The following OR8B3 variants were observed in gnomAD, a reference collection of about 807,000 sequenced individuals.
OR8B3 encodes olfactory receptor family 8 subfamily B member 3, also known as olfactory receptor 8B3.
For missense variants in OR8B3, 278 were observed against 377.6 expected (o/e 0.74, Z 2.19); for synonymous variants, 102 against 135.4 (o/e 0.75, Z 1.71).
upstream of OR8B3, among the ~76,000 whole-genome samples, chr11:124,400,186 T>C (rs1860969233): frequency 6.6e-6 from 1 of 152,174 alleles, no homozygotes; most frequent in African/African-American, 2.4e-5. Flanking sequence ...AAAAGAGATG[T>C]ATAAACTTTT....
chr11:124,409,148 G>T, the OR8B3 span, among the ~76,000 whole-genome samples: 1 of 152,130 alleles, frequency 6.6e-6, no homozygotes, highest in Non-Finnish European at 1.5e-5. Flanking sequence ...AACTGATTTG[G>T]CTCAGGTTTG....
upstream of OR8B3, among the ~76,000 whole-genome samples, chr11:124,401,730 G>A (rs749557207): frequency 1.3e-5 from 2 of 152,184 alleles, no homozygotes; most frequent in Non-Finnish European, 2.9e-5. Context: ...AATATATGGA[G>A]AGAAGTATCT....
upstream of OR8B3, among the ~76,000 whole-genome samples, chr11:124,403,964 C>T (rs1270508687): frequency 3.9e-5 from 6 of 152,170 alleles, no homozygotes; most frequent in African/African-American, 1.4e-4. Context: ...AATACAAAAA[C>T]CAGTCAGGCG....
chr11:124,407,433 C>A, the OR8B3 span, among the ~76,000 whole-genome samples: 1 of 152,046 alleles, frequency 6.6e-6, no homozygotes, highest in Admixed American at 6.5e-5. Flanking sequence ...CTCATGTCCC[C>A]TAATATTAAA....
chr11:124,401,197 A>G (rs1299989016), upstream of OR8B3, among the ~76,000 whole-genome samples: 6 of 148,892 alleles, frequency 4.0e-5, no homozygotes, highest in African/African-American at 1.5e-4. Context: ...TTGCTGTATT[A>G]TCACATAGGG....
intron 1 of OR8B3, among the ~76,000 whole-genome samples, chr11:124,398,123 T>A (rs1274052845): frequency 6.6e-6 from 1 of 152,070 alleles, no homozygotes; most frequent in Non-Finnish European, 1.5e-5. Context: ...TAGACAGGGG[T>A]CTCCTATAGG....
At chr11:124,398,542 A>G (rs1229496394) in intron 1 of OR8B3, 148 bp downstream of exon 1, 1 of 152,240 alleles carries the variant, frequency 6.6e-6, no homozygotes, top group Non-Finnish European at 1.5e-5. Flanking sequence ...CAGGCTAAGA[A>G]TGAAGCCAAC....
chr11:124,403,992 A>G (rs1474661626), upstream of OR8B3, among the ~76,000 whole-genome samples: 2 of 152,172 alleles, frequency 1.3e-5, no homozygotes, highest in South Asian at 2.1e-4. Context: ...GCGCGCCTGC[A>G]ATCCCAGGCA....
In OR8B3 at chr11:124,396,932, G is replaced by C. The variant is rs760945553; in HGVS notation, c.420C>G (p.Val140=). ...LLYKVTMSHQ[V]CSMLTFAAYI... ...AAGCAGCAAAAGTGAGCATAGAACAGACCTGATGGGACATGGTGACCTTAT... is the reference window on the plus strand; with the variant it reads ...AAGCAGCAAAAGTGAGCATAGAACACACCTGATGGGACATGGTGACCTTAT... Residue 140 remains valine (V), a synonymous_variant, in exon 2 of 2, where the codon GTC becomes GTG. Coordinates refer to ENST00000641139, the MANE Select transcript of OR8B3 (RefSeq NM_001005467.2). The C allele has an allele frequency of 1.2e-6, 2 of 1,607,464 alleles. No individual in the cohort carries two copies. Among genetic ancestry groups the C allele is most frequent in the South Asian group, 2.2e-5 (2 of 90,330 alleles).
At chr11:124,397,766 G>A (rs1253896130) in intron 1 of OR8B3, among the ~76,000 whole-genome samples, 5 of 150,662 alleles carry the variant, frequency 3.3e-5, no homozygotes, top group African/African-American at 7.3e-5. Context: ...GTGGGATCTC[G>A]GCTCACTGCA....
At chr11:124,404,820 A>C in the OR8B3 span, 3 of 152,228 alleles carry the variant, frequency 2.0e-5, no homozygotes, top group African/African-American at 7.2e-5. Flanking sequence ...TGCAAAAGAA[A>C]TATAGCTACG....
chr11:124,396,206 G>A lies in OR8B3; in HGVS notation c.*204C>T, dbSNP rs138993463. On this transcript the variant is annotated 3_prime_UTR_variant, in exon 2 of 2. Coordinates refer to ENST00000641139, the MANE Select transcript of OR8B3 (RefSeq NM_001005467.2). ...GTGCATATGTTCCTTTTACAAAGAT[G>A]CCATGACCTATTTAGTAAAATTGTG... The A allele has an allele frequency of 1.9e-3, 1,027 of 542,566 alleles. 5 individuals are homozygous for A. Among genetic ancestry groups the A allele is most frequent in the African/African-American group, 0.017 (903 of 52,536 alleles). 33.6% of individuals were successfully genotyped at this position (542,566 alleles called of 1,614,324 possible).
At chr11:124,403,940 G>C (rs143614002), upstream of OR8B3, among the ~76,000 whole-genome samples, 3 of 152,166 alleles carry the variant, frequency 2.0e-5, no homozygotes, top group Non-Finnish European at 4.4e-5. Flanking sequence ...GCGAAACCCC[G>C]TCTCCACCAA....
chr11:124,395,658 G>A lies in OR8B3; in HGVS notation c.*752C>T, dbSNP rs1860850741. ...AAAATTTTCAATGCTGTTTTAGATAGCAATGAATGAAAGTTTTATAATGTA... is the reference window on the plus strand; with the variant it reads ...AAAATTTTCAATGCTGTTTTAGATAACAATGAATGAAAGTTTTATAATGTA... On this transcript the variant is annotated 3_prime_UTR_variant, in exon 2 of 2. Coordinates refer to ENST00000641139, the MANE Select transcript of OR8B3 (RefSeq NM_001005467.2). 1.3e-5 allele frequency: 2 copies of A among 152,124 alleles called. No individual in the cohort carries two copies. The highest frequency in any genetic ancestry group is 1.3e-4 in the Admixed American group (2 of 15,260). The allele number at this position is 152,124 out of a possible 1,614,324, so 9.4% of individuals were successfully genotyped here. A position where few individuals can be genotyped will look rare whatever the true frequency, so the allele number is the denominator to read the frequency against.
upstream of OR8B3, among the ~76,000 whole-genome samples, chr11:124,403,637 C>G (rs981746067): frequency 6.6e-6 from 1 of 151,870 alleles, no homozygotes; most frequent in Non-Finnish European, 1.5e-5. Flanking sequence ...GACTGGGCAG[C>G]TGGGCAGAGG....
In OR8B3 at chr11:124,397,405, A is replaced by T. The variant is rs1252850941; in HGVS notation, c.-17-37T>A. ...AAAGAAAATTCTATTAGGAACACAG[A>T]TTTCTTTTTACAAAATCTCATTAAT... On this transcript the variant is annotated intron_variant, in intron 1 of 1. Transcript: ENST00000641139. 11 of 850,476 alleles carry T rather than the reference A, an allele frequency of 1.3e-5. No individual in the cohort carries two copies. In the Admixed American group the frequency reaches 2.2e-4, roughly 17 times the overall value. The allele number at this position is 850,476 out of a possible 1,614,324, so 52.7% of individuals were successfully genotyped here. A position where few individuals can be genotyped will look rare whatever the true frequency, so the allele number is the denominator to read the frequency against.
At chr11:124,403,087 C>G (rs1417873050), upstream of OR8B3, among the ~76,000 whole-genome samples, 1 of 152,160 alleles carries the variant, frequency 6.6e-6, no homozygotes, top group Admixed American at 6.5e-5. Flanking sequence ...TTGCACCGCC[C>G]TTAATCCATT....
Position 124,396,761 on chromosome 11 carries a change from C to A in OR8B3, c.591G>T (p.Val197=). The A allele has an allele frequency of 6.2e-7, 1 of 1,613,802 alleles. No homozygotes were observed. The highest frequency in any genetic ancestry group is 8.5e-7 in the Non-Finnish European group (1 of 1,179,810). Residue 197 remains valine (V), a synonymous_variant, in exon 2 of 2, where the codon GTG becomes GTT. Coordinates refer to ENST00000641139, the MANE Select transcript of OR8B3 (RefSeq NM_001005467.2). ...LSCTSTYVNE[V]VVLIVVGINI... ...TAATACCCACAACAATGAGAACAAC[C>A]ACCTCGTTGACATAGGTGCTGGTGC... is the stretch of plus-strand genomic sequence containing the variant.
In OR8B3 at chr11:124,398,909, C is replaced by G. The variant is rs1475623004; in HGVS notation, c.-237G>C. On this transcript the variant is annotated 5_prime_UTR_variant, in exon 1 of 2. Transcript: ENST00000641139. ...ATCAAACTATTATTTATAAATTTGC[C>G]AAGAGGGTTTGTTGGAAAACTGCAC... is the stretch of plus-strand genomic sequence containing the variant. 6 of 129,472 alleles carry G rather than the reference C, an allele frequency of 4.6e-5. No homozygotes were observed. Among genetic ancestry groups the G allele is most frequent in the African/African-American group, 1.5e-4 (5 of 34,150 alleles). The allele number at this position is 129,472 out of a possible 1,614,324, so 8.0% of individuals were successfully genotyped here. A position where few individuals can be genotyped will look rare whatever the true frequency, so the allele number is the denominator to read the frequency against.
Sources: allele counts gnomAD v4.1 joint callset (sites outside exome capture counted in the v4.1 genomes callset), GRCh38; gene constraint gnomAD v4.1.1; transcripts MANE v1.5; gene names NCBI Gene and HGNC (gene_info 2026-07-23, HGNC 2026-07-21).